The following ZNF708 variants were observed in gnomAD, a reference collection of about 807,000 sequenced individuals.
ZNF708 encodes zinc finger protein 708.
In ZNF708, 44 loss-of-function variants were observed where a neutral mutation model predicts 47.0. The observed-to-expected ratio is 0.94, with a 90% confidence interval of 0.74 to 1.20. The LOEUF is 1.20. Among genes scored for constraint, ZNF708 ranks in the 50% most tolerant of loss-of-function variants. The probability of loss-of-function intolerance (pLI) is 0.00; values close to 1 mark genes in which losing one functional copy is unlikely to be tolerated. For synonymous variants in ZNF708, 184 were observed against 218.5 expected (o/e 0.84, Z 1.39); for missense variants, 557 against 656.0 (o/e 0.85, Z 1.65).
rs769330978 is a variant in ZNF708 at position 21,293,560 on chromosome 19, A to AT, written c.1405dup (p.Ile469AsnfsTer9). 6 of 1,612,944 alleles carry AT rather than the reference A, an allele frequency of 3.7e-6. No homozygotes were observed. The highest frequency in any genetic ancestry group is 5.1e-6 in the Non-Finnish European group (6 of 1,179,734). ...CTTATAGGGTTTCTCTCCAGTATGA[A>AT]TTTTTTTATGATTAGTAAAATTTGA... On this transcript the variant is annotated frameshift_variant, in exon 4 of 4. Transcript: ENST00000356929. LOFTEE classifies it high-confidence loss of function.
intron 1 of ZNF708, among the ~76,000 whole-genome samples, chr19:21,311,851 A>AC (rs1972905383): frequency 6.6e-6 from 1 of 152,146 alleles, no homozygotes; most frequent in Non-Finnish European, 1.5e-5. Context: ...AAAAATATGG[A>AC]CCACACTGTC....
In ZNF708 at chr19:21,329,378, G is replaced by T; in HGVS notation, c.-166C>A. 1 of 1,083,330 alleles carries T rather than the reference G, an allele frequency of 9.2e-7. No individual in the cohort carries two copies. Among genetic ancestry groups the T allele is most frequent in the Non-Finnish European group, 1.4e-6 (1 of 736,698 alleles). The allele number at this position is 1,083,330 out of a possible 1,614,324, so 67.1% of individuals were successfully genotyped here. A position where few individuals can be genotyped will look rare whatever the true frequency, so the allele number is the denominator to read the frequency against. On this transcript the variant is annotated 5_prime_UTR_variant, in exon 1 of 4. Transcript: ENST00000356929. ...GACAAAGGCCGCGCCAAACCCGGAA[G>T]CCGCCCTGTCCGGTCCAGCTGCGTG...
intron 3 of ZNF708, among the ~76,000 whole-genome samples, chr19:21,297,849 T>C (rs1184083810): frequency 2.0e-5 from 3 of 151,926 alleles, no homozygotes; most frequent in African/African-American, 7.3e-5. Context: ...ACAAGCTACA[T>C]CTTAAGTCAA....
intron 1 of ZNF708, among the ~76,000 whole-genome samples, chr19:21,317,571 A>G (rs1973041616): frequency 6.6e-6 from 1 of 152,226 alleles, no homozygotes; most frequent in Non-Finnish European, 1.5e-5. Context: ...AAATATAACA[A>G]GAGAAATTAT....
intron 1 of ZNF708, among the ~76,000 whole-genome samples, chr19:21,315,523 G>A (rs1972984074): frequency 6.6e-6 from 1 of 152,166 alleles, no homozygotes; most frequent in African/African-American, 2.4e-5. Flanking sequence ...GGAAATAGCT[G>A]AGGAAACATG....
At chr19:21,309,138 C>T (rs1972845807) in intron 3 of ZNF708, 108 bp downstream of exon 3, 2 of 1,120,880 alleles carry the variant, frequency 1.8e-6, no homozygotes, top group Admixed American at 5.0e-5. Flanking sequence ...AAAACAGCTG[C>T]CTAGAAACTT....
intron 3 of ZNF708, among the ~76,000 whole-genome samples, chr19:21,295,660 G>T (rs567833024): frequency 6.6e-6 from 1 of 152,166 alleles, no homozygotes; most frequent in African/African-American, 2.4e-5. Flanking sequence ...CAGGAGAATC[G>T]CTTGAACTCG....
chr19:21,296,218 T>G (rs1356981893), intron 3 of ZNF708, among the ~76,000 whole-genome samples: 1 of 149,842 alleles, frequency 6.7e-6, no homozygotes, highest in Non-Finnish European at 1.5e-5. Flanking sequence ...TAAAAAGAAG[T>G]GGCCGGGCAC....
chr19:21,326,926 GT>G (rs1459841283), intron 1 of ZNF708, among the ~76,000 whole-genome samples: 2 of 151,384 alleles, frequency 1.3e-5, no homozygotes, highest in African/African-American at 4.9e-5. Context: ...AAGAGCAAGA[GT>G]CCATATTAAA....
intron 3 of ZNF708, among the ~76,000 whole-genome samples, chr19:21,301,519 G>A (rs1972659241): frequency 6.6e-6 from 1 of 152,180 alleles, no homozygotes; most frequent in Non-Finnish European, 1.5e-5. Context: ...CGGAGGCTGA[G>A]ACAGGAGAGT....
intron 3 of ZNF708, among the ~76,000 whole-genome samples, chr19:21,305,164 C>T (rs995551570): frequency 1.3e-5 from 2 of 151,792 alleles, no homozygotes; most frequent in Non-Finnish European, 2.9e-5. Context: ...GTGCGTGCCA[C>T]CACGCCCAGC....
At chr19:21,301,637 A>C (rs1164133043) in intron 3 of ZNF708, among the ~76,000 whole-genome samples, 8 of 150,242 alleles carry the variant, frequency 5.3e-5, no homozygotes, top group African/African-American at 2.0e-4. Context: ...AAACAAACAA[A>C]CAAAAAAAAA....
chr19:21,322,682 C>A lies in ZNF708; in HGVS notation c.3+6528G>T, dbSNP rs1041830677. On this transcript the variant is annotated intron_variant, in intron 1 of 3. Coordinates refer to ENST00000356929, the MANE Select transcript of ZNF708 (RefSeq NM_021269.3). The stretch of plus-strand genomic sequence containing the variant: ...CACAGGACAATGGGCAGTGTGACAG[C>A]CTGTGTACAGGAGAGCAGAGCGTCC... 1.5e-4 allele frequency among the ~76,000 whole-genome samples: 23 copies of A among 152,180 alleles called. 1 individual carries two copies. The highest frequency in any genetic ancestry group is 2.0e-4 in the Admixed American group (3 of 15,274).
intron 1 of ZNF708, chr19:21,328,060 T>A (rs938421915): frequency 7.1e-6 from 7 of 983,420 alleles, no homozygotes; most frequent in Non-Finnish European, 8.5e-6. Context: ...CTCCAGACAG[T>A]ACTGAAACCC....
chr19:21,328,065 A>T (rs1973298116), intron 1 of ZNF708: 1 of 981,732 alleles, frequency 1.0e-6, no homozygotes, highest in Non-Finnish European at 1.2e-6. Flanking sequence ...GACAGTACTG[A>T]AACCCAGGAC....
intron 3 of ZNF708, among the ~76,000 whole-genome samples, chr19:21,297,471 T>C (rs973129570): frequency 3.3e-5 from 5 of 150,434 alleles, no homozygotes; most frequent in African/African-American, 9.7e-5. Flanking sequence ...AGAAAATATC[T>C]GTATAGATAC....
Position 21,294,108 on chromosome 19 carries a change from G to T in ZNF708, c.858C>A (p.Gly286=), listed in dbSNP as rs759384046. The change falls in exon 4 of 4, where the codon GGC becomes GGA. Residue 286 remains glycine, a synonymous_variant. Coordinates refer to ENST00000356929, the MANE Select transcript of ZNF708 (RefSeq NM_021269.3). ...GEKPYKCEEC[G]KAFKQSSNLT... is the part of the protein sequence containing the mutation. ...GGTTTGAGGACTGTTTAAAAGCTTTGCCACATTCTTCACATTTGTAGGGTT... is the reference window on the plus strand; with the variant it reads ...GGTTTGAGGACTGTTTAAAAGCTTTTCCACATTCTTCACATTTGTAGGGTT... The T allele has an allele frequency of 4.2e-5, 67 of 1,611,438 alleles. No individual in the cohort carries two copies. Among genetic ancestry groups the T allele is most frequent in the Non-Finnish European group, 5.5e-5 (65 of 1,179,254 alleles).
rs1021805935 is a variant in ZNF708 at position 21,292,002 on chromosome 19, T to C, written c.*1272A>G. 3 of 152,134 alleles carry C rather than the reference T, an allele frequency of 2.0e-5. No individual in the cohort carries two copies. The highest frequency in any genetic ancestry group is 1.3e-4 in the Admixed American group (2 of 15,272). 9.4% of individuals were successfully genotyped at this position (152,134 alleles called of 1,614,324 possible). ...GGATCATTTTTAACAGTCAGCACTT[T>C]GATATAGTGTAATGTCTGAAGCATC... On this transcript the variant is annotated 3_prime_UTR_variant, in exon 4 of 4. Transcript: ENST00000356929.
rs532459039 is a variant in ZNF708 at position 21,320,513 on chromosome 19, C to T, written c.3+8697G>A. Among the ~76,000 whole-genome samples, 3 of 151,632 alleles carry T rather than the reference C, an allele frequency of 2.0e-5. No homozygotes were observed. The South Asian group carries it at 6.3e-4, about 32-fold the overall frequency. ...CCAGCCTGGGCAACATGGCAAAACC[C>T]CGTCTCTACAAAAAAATACAAAAAG... On this transcript the variant is annotated intron_variant, in intron 1 of 3. Transcript: ENST00000356929.
Sources: gnomAD v4.1 joint callset for allele counts (sites outside exome capture counted in the v4.1 genomes callset) on GRCh38, gnomAD v4.1.1 for gene constraint, MANE v1.5 for transcripts, NCBI Gene and HGNC (gene_info 2026-07-23, HGNC 2026-07-21) for gene names.